The following TEAD1 variants were observed in gnomAD, a reference collection of about 807,000 sequenced individuals.
TEAD1 encodes the protein transcriptional enhancer factor TEF-1.
TEAD1 carries 9 observed loss-of-function variants against 54.9 expected under a neutral mutation model. That is an observed-to-expected ratio of 0.16 (90% confidence interval 0.10 to 0.29). TEAD1 has a LOEUF of 0.29. TEAD1 is among the 10% of genes least tolerant of loss of function. The pLI is 1.00. For missense variants in TEAD1, 387 were observed against 535.9 expected (o/e 0.72, Z 2.74); for synonymous variants, 200 against 187.8 (o/e 1.07, Z -0.53).
At chr11:12,771,036 T>TG (rs765903736) in intron 3 of TEAD1, among the ~76,000 whole-genome samples, 2 of 152,224 alleles carry the variant, frequency 1.3e-5, no homozygotes, top group Admixed American at 6.5e-5. Context: ...TTAGGACTGT[T>TG]GCATGTAACT....
intron 3 of TEAD1, among the ~76,000 whole-genome samples, chr11:12,774,531 C>G (rs2133939399): frequency 6.6e-6 from 1 of 152,246 alleles, no homozygotes; most frequent in East Asian, 1.9e-4. Flanking sequence ...AAAATGCCAA[C>G]ATTTCTACCT....
intron 2 of TEAD1, among the ~76,000 whole-genome samples, chr11:12,713,717 T>C (rs1056643484): frequency 2.0e-5 from 3 of 152,152 alleles, no homozygotes; most frequent in Non-Finnish European, 2.9e-5. Flanking sequence ...AGAGGTACAG[T>C]GATGCTAGGG....
chr11:12,903,320 A>G (rs1379672382), intron 10 of TEAD1, among the ~76,000 whole-genome samples: 1 of 152,084 alleles, frequency 6.6e-6, no homozygotes, highest in African/African-American at 2.4e-5. Context: ...GGATCTGTCA[A>G]CCTAAGCCTC....
intron 3 of TEAD1, among the ~76,000 whole-genome samples, chr11:12,844,899 C>G (rs1221615624): frequency 6.7e-6 from 1 of 149,982 alleles, no homozygotes; most frequent in Non-Finnish European, 1.5e-5. Context: ...TGTGTTGGCT[C>G]CAAGGAAGTC....
chr11:12,866,966 T>A (rs1192233483), intron 5 of TEAD1, among the ~76,000 whole-genome samples: 1 of 152,130 alleles, frequency 6.6e-6, no homozygotes, highest in Non-Finnish European at 1.5e-5. Context: ...GGGGATGAGC[T>A]TCGTGGAGAG....
chr11:12,706,055 CAAT>C (rs1943807804), intron 2 of TEAD1, among the ~76,000 whole-genome samples: 1 of 152,110 alleles, frequency 6.6e-6, no homozygotes, highest in African/African-American at 2.4e-5. Flanking sequence ...GTTAGAGTAT[CAAT>C]GATGAAATTG....
intron 2 of TEAD1, among the ~76,000 whole-genome samples, chr11:12,736,044 T>C (rs1248262890): frequency 6.6e-6 from 1 of 152,220 alleles, no homozygotes; most frequent in Non-Finnish European, 1.5e-5. Flanking sequence ...TAAATAAGCC[T>C]TCAAGTGCTT....
chr11:12,764,546 T>G (rs1289662919), intron 3 of TEAD1, 112 bp downstream of exon 3: 6 of 1,292,752 alleles, frequency 4.6e-6, no homozygotes, highest in Non-Finnish European at 6.6e-6. Flanking sequence ...TTGAGTGATA[T>G]TTGTAGAATT....
In TEAD1 at chr11:12,768,873, T is replaced by G. The variant is rs192720991; in HGVS notation, c.202+4439T>G. ...GAGAGCCCTTTGAAGATGGTCACCT[T>G]CCACTTAGCCTTTTGAAGCCTATTC... is the stretch of plus-strand genomic sequence containing the variant. On this transcript the variant is annotated intron_variant, in intron 3 of 12. Coordinates refer to ENST00000527636, the MANE Select transcript of TEAD1 (RefSeq NM_021961.6). Among the ~76,000 whole-genome samples the G allele has an allele frequency of 3.9e-5, 6 of 152,288 alleles. No individual in the cohort carries two copies. The East Asian group carries it at 1.2e-3, about 29-fold the overall frequency.
In TEAD1 at chr11:12,719,949, GTTTTTTTTTTTTTTTTTTTTTT is replaced by G. The variant is rs1200965763; in HGVS notation, c.-54-44206_-54-44185del. ...ACCGGCGTGTGTTTGGAAATCTAAT[GTTTTTTTTTTTTTTTTTTTTTT>G]TTTTTTTTTTTTTTTTTTTTTTTGG... On this transcript the variant is annotated intron_variant, in intron 2 of 12. Coordinates refer to ENST00000527636, the MANE Select transcript of TEAD1 (RefSeq NM_021961.6). Among the ~76,000 whole-genome samples the G allele has an allele frequency of 5.0e-4, 20 of 39,980 alleles. 3 individuals are homozygous for G. The highest frequency in any genetic ancestry group is 7.2e-4 in the African/African-American group (13 of 17,988). The allele number at this position is 39,980 out of a possible 152,430, so 26.2% of individuals were successfully genotyped here.
intron 3 of TEAD1, among the ~76,000 whole-genome samples, chr11:12,783,936 G>A (rs780813003): frequency 1.3e-5 from 2 of 152,156 alleles, no homozygotes; most frequent in African/African-American, 4.8e-5. Flanking sequence ...ATATACACAG[G>A]AAGGGGGGAT....
intron 3 of TEAD1, chr11:12,848,739 AGTT>A (rs796575837): frequency 7.9e-5 from 12 of 152,250 alleles, no homozygotes; most frequent in African/African-American, 2.9e-4. Context: ...TGAGGCCAGT[AGTT>A]CAAAACCAGC....
chr11:12,805,252 G>A (rs1946145226), intron 3 of TEAD1, among the ~76,000 whole-genome samples: 1 of 152,168 alleles, frequency 6.6e-6, no homozygotes, highest in African/African-American at 2.4e-5. Flanking sequence ...GAAGGAAGAT[G>A]TATATCACAA....
chr11:12,698,526 A>T (rs1211002363), intron 2 of TEAD1, among the ~76,000 whole-genome samples: 54 of 148,532 alleles, frequency 3.6e-4, no homozygotes, highest in Non-Finnish European at 2.4e-4. Flanking sequence ...TTTTTTTTTT[A>T]AATATTGATT....
chr11:12,758,598 T>G (rs1024866413), intron 2 of TEAD1, among the ~76,000 whole-genome samples: 3 of 152,060 alleles, frequency 2.0e-5, no homozygotes, highest in Admixed American at 2.0e-4. Context: ...GTGTTTTTAG[T>G]AGAGACGGGG....
intron 2 of TEAD1, among the ~76,000 whole-genome samples, chr11:12,678,839 A>C (rs939458396): frequency 6.6e-6 from 1 of 152,204 alleles, no homozygotes. Context: ...TGGAATTGAA[A>C]TTTGACCATT....
intron 2 of TEAD1, among the ~76,000 whole-genome samples, chr11:12,714,511 T>C (rs985426872): frequency 2.6e-5 from 4 of 152,160 alleles, no homozygotes; most frequent in African/African-American, 9.7e-5. Flanking sequence ...CCATGTTGTT[T>C]TGGCTTTGTT....
intron 2 of TEAD1, among the ~76,000 whole-genome samples, chr11:12,700,241 A>G (rs1246963916): frequency 2.0e-5 from 3 of 152,168 alleles, no homozygotes; most frequent in Admixed American, 6.5e-5. Context: ...TGTGCTACTT[A>G]TGGACAGGAA....
chr11:12,819,615 ATTT>A (rs923123371), intron 3 of TEAD1, among the ~76,000 whole-genome samples: 1 of 150,218 alleles, frequency 6.7e-6, no homozygotes, highest in Admixed American at 6.6e-5. Context: ...AGCCCGGCTA[ATTT>A]TTTTTTGTAT....
Sources: gnomAD v4.1 joint callset for allele counts (sites outside exome capture counted in the v4.1 genomes callset) on GRCh38, gnomAD v4.1.1 for gene constraint, MANE v1.5 for transcripts, NCBI Gene and HGNC (gene_info 2026-07-23, HGNC 2026-07-21) for gene names.